Variants in PSEN1 observed in about 807,000 individuals in gnomAD.
PSEN1 encodes presenilin 1.
In PSEN1, 15 loss-of-function variants were observed where a neutral mutation model predicts 53.5. The ratio of observed to expected loss-of-function variants is 0.28; its 90% CI spans 0.19 to 0.43. PSEN1 has a LOEUF of 0.43. Ranked by LOEUF, PSEN1 falls within the 20% of genes least tolerant of loss-of-function variation. PSEN1 has a pLI of 1.00. For synonymous variants in PSEN1, 208 were observed against 209.8 expected (o/e 0.99, Z 0.08); for missense variants, 387 against 571.2 (o/e 0.68, Z 3.29).
rs575947856 is a variant in PSEN1 at position 73,186,783 on chromosome 14, G to GA, written c.481-60dup. 6,119 of 1,288,848 alleles carry GA rather than the reference G, an allele frequency of 4.7e-3. 9 individuals are homozygous for GA. Among genetic ancestry groups the GA allele is most frequent in the East Asian group, 0.037 (1,536 of 41,120 alleles). The allele number at this position is 1,288,848 out of a possible 1,614,324, so 79.8% of individuals were successfully genotyped here. On this transcript the variant is annotated intron_variant, in intron 5 of 11. Transcript: ENST00000324501. ...CAAAGTGAGACCCTGTCTCAAAAAA[G>GA]AAAAAAAAAATCTGTACTTTTTAAG...
At chr14:73,157,157 CTT>C (rs1241789068) in intron 3 of PSEN1, among the ~76,000 whole-genome samples, 5 of 147,114 alleles carry the variant, frequency 3.4e-5, no homozygotes, top group Non-Finnish European at 7.5e-5. Context: ...GAGTTTCACT[CTT>C]TTGTTGCCCA....
intron 3 of PSEN1, 56 bp downstream of exon 3, chr14:73,148,162 C>A: frequency 1.5e-6 from 2 of 1,342,256 alleles, no homozygotes; most frequent in East Asian, 2.3e-5. Context: ...TTATCATCTC[C>A]CCTCACCTCT....
chr14:73,189,344 CT>C (rs1208154112), intron 6 of PSEN1, among the ~76,000 whole-genome samples: 1 of 152,186 alleles, frequency 6.6e-6, no homozygotes, highest in Non-Finnish European at 1.5e-5. Context: ...GGTGCCGTGG[CT>C]CATGCCTGTA....
At chr14:73,152,493 G>A (rs1297037747) in intron 3 of PSEN1, among the ~76,000 whole-genome samples, 1 of 151,176 alleles carries the variant, frequency 6.6e-6, no homozygotes, top group Admixed American at 6.6e-5. Context: ...TGTAGTCCCA[G>A]CTACTCAGGA....
intron 11 of PSEN1, among the ~76,000 whole-genome samples, chr14:73,218,278 G>A (rs1900005696): frequency 1.3e-5 from 2 of 151,646 alleles, no homozygotes; most frequent in Admixed American, 1.3e-4. Context: ...GTGGAGATGA[G>A]GTTTTGCCAC....
chr14:73,161,254 T>C (rs1228592768), intron 3 of PSEN1, among the ~76,000 whole-genome samples: 1 of 152,196 alleles, frequency 6.6e-6, no homozygotes, highest in Non-Finnish European at 1.5e-5. Context: ...GGGTTGTAGA[T>C]GTGAGCTACC....
At position 73,221,095 on chromosome 14, in the gene PSEN1, C is replaced by G. The variant is rs1443857763; in HGVS notation, c.*1806C>G. 6.6e-6 allele frequency: 1 copy of G among 152,104 alleles called. No homozygotes were observed. Among genetic ancestry groups the G allele is most frequent in the African/African-American group, 2.4e-5 (1 of 41,386 alleles). 9.4% of individuals were successfully genotyped at this position (152,104 alleles called of 1,614,324 possible). A position where few individuals can be genotyped will look rare whatever the true frequency, so the allele number is the denominator to read the frequency against. ...GATATTTCTTATAAGAACCTAACTT[C>G]AAGAGTAGTGTGCGAGTACTGATCT... On this transcript the variant is annotated 3_prime_UTR_variant, in exon 12 of 12. Coordinates refer to ENST00000324501, the MANE Select transcript of PSEN1 (RefSeq NM_000021.4).
At chr14:73,147,277 C>T (rs1005655341) in intron 1 of PSEN1, among the ~76,000 whole-genome samples, 1 of 152,206 alleles carries the variant, frequency 6.6e-6, no homozygotes, top group African/African-American at 2.4e-5. Flanking sequence ...AGCCACCGCT[C>T]CTGGCTGAGT....
At chr14:73,202,729 C>T (rs1254312419) in intron 8 of PSEN1, among the ~76,000 whole-genome samples, 1 of 151,544 alleles carries the variant, frequency 6.6e-6, no homozygotes, top group Non-Finnish European at 1.5e-5. Flanking sequence ...TCCTCGGCCT[C>T]CCAAAGTGCT....
intron 1 of PSEN1, among the ~76,000 whole-genome samples, chr14:73,141,764 G>A (rs370229040): frequency 6.6e-6 from 1 of 151,840 alleles, no homozygotes; most frequent in African/African-American, 2.4e-5. Flanking sequence ...CAGCCTGGGC[G>A]ACAAGAGTGA....
intron 4 of PSEN1, among the ~76,000 whole-genome samples, chr14:73,171,656 A>G (rs142499364): frequency 4.3e-4 from 66 of 152,284 alleles, no homozygotes; most frequent in African/African-American, 1.2e-3. Flanking sequence ...ACTAATTCCA[A>G]TTGGCTAATT....
intron 6 of PSEN1, among the ~76,000 whole-genome samples, chr14:73,188,031 C>T (rs891539363): frequency 6.6e-6 from 1 of 151,984 alleles, no homozygotes; most frequent in Non-Finnish European, 1.5e-5. Flanking sequence ...TGGATTCAAG[C>T]GATTCTCCTG....
intron 3 of PSEN1, among the ~76,000 whole-genome samples, chr14:73,153,482 A>G (rs954395253): frequency 1.3e-5 from 2 of 152,194 alleles, no homozygotes; most frequent in Admixed American, 1.3e-4. Context: ...GCTTGGTCAG[A>G]TGCTGAATGG....
intron 1 of PSEN1, among the ~76,000 whole-genome samples, chr14:73,147,231 G>A (rs900464240): frequency 6.6e-6 from 1 of 151,998 alleles, no homozygotes; most frequent in Non-Finnish European, 1.5e-5. Flanking sequence ...TGATCCGCCC[G>A]CCTTGGCCTC....
chr14:73,149,515 T>C (rs1209159242), intron 3 of PSEN1, among the ~76,000 whole-genome samples: 5 of 152,142 alleles, frequency 3.3e-5, no homozygotes, highest in Non-Finnish European at 7.3e-5. Flanking sequence ...ACTCTGAAGA[T>C]TTAGGATTCT....
chr14:73,140,389 T>G (rs1896891174), intron 1 of PSEN1, among the ~76,000 whole-genome samples: 1 of 151,628 alleles, frequency 6.6e-6, no homozygotes. Context: ...TTTTGTATTT[T>G]TAGTAGAGGT....
chr14:73,166,776 A>G (rs900019740), intron 3 of PSEN1, among the ~76,000 whole-genome samples: 1 of 152,110 alleles, frequency 6.6e-6, no homozygotes, highest in Non-Finnish European at 1.5e-5. Context: ...ATCTTTCTTG[A>G]TGGGTGGTAT....
chr14:73,221,151 C>G lies in PSEN1; in HGVS notation c.*1862C>G, dbSNP rs1900111254. On this transcript the variant is annotated 3_prime_UTR_variant, in exon 12 of 12. Coordinates refer to ENST00000324501, the MANE Select transcript of PSEN1 (RefSeq NM_000021.4). ...TAAATTAAAATTGGCTTATATTAGG[C>G]AGTCACAGACAGGAAAAATAAGAGC... 6.6e-6 allele frequency: 1 copy of G among 152,160 alleles called. No homozygotes were observed. Among genetic ancestry groups the G allele is most frequent in the Non-Finnish European group, 1.5e-5 (1 of 68,030 alleles). 9.4% of individuals were successfully genotyped at this position (152,160 alleles called of 1,614,324 possible).
intron 3 of PSEN1, among the ~76,000 whole-genome samples, chr14:73,156,732 G>T (rs551474326): frequency 6.6e-6 from 1 of 151,214 alleles, no homozygotes; most frequent in East Asian, 1.9e-4. Flanking sequence ...GCATGATCTC[G>T]GCTCACTGCA....
Sources: allele counts gnomAD v4.1 joint callset (sites outside exome capture counted in the v4.1 genomes callset), GRCh38; gene constraint gnomAD v4.1.1; transcripts MANE v1.5; gene names NCBI Gene and HGNC (gene_info 2026-07-23, HGNC 2026-07-21).